Variants in ABI3BP observed in about 807,000 individuals in gnomAD.
ABI3BP encodes target of Nesh-SH3.
A neutral mutation model predicts 268.6 loss-of-function variants in ABI3BP; 216 were observed. The observed-to-expected ratio is 0.80, with a 90% CI of 0.72 to 0.90. The LOEUF is 0.90. Among genes scored for constraint, ABI3BP ranks in the 40% least tolerant of loss-of-function variants. The pLI is 0.00. For synonymous variants in ABI3BP, 730 were observed against 730.0 expected (o/e 1.00, Z 0.00); for missense variants, 2,090 against 2,182.4 (o/e 0.96, Z 0.84).
At chr3:100,939,697 C>T (rs1208149183) in intron 1 of ABI3BP, among the ~76,000 whole-genome samples, 1 of 152,104 alleles carries the variant, frequency 6.6e-6, no homozygotes, top group Non-Finnish European at 1.5e-5. Flanking sequence ...ATTAAAATTG[C>T]TAATGAAGTT....
intron 57 of ABI3BP, among the ~76,000 whole-genome samples, chr3:100,784,216 G>T (rs970217539): frequency 1.3e-5 from 2 of 152,124 alleles, no homozygotes; most frequent in Non-Finnish European, 2.9e-5. Flanking sequence ...GTAGTCCTTA[G>T]GCCTCAGAAT....
chr3:100,927,840 ACC>A (rs2062314020), intron 1 of ABI3BP, among the ~76,000 whole-genome samples: 1 of 152,120 alleles, frequency 6.6e-6, no homozygotes, highest in Non-Finnish European at 1.5e-5. Flanking sequence ...AAATGGCACA[ACC>A]TTAAACCTGG....
intron 14 of ABI3BP, among the ~76,000 whole-genome samples, chr3:100,855,422 C>T (rs1018884595): frequency 8.5e-5 from 13 of 152,190 alleles, no homozygotes; most frequent in Non-Finnish European, 1.5e-4. Context: ...TCCTTTTTAA[C>T]ATTAACTCTT....
chr3:100,816,127 C>T (rs1383438379), intron 43 of ABI3BP, 156 bp from the exon 44 acceptor site: 2 of 588,726 alleles, frequency 3.4e-6, no homozygotes, highest in Non-Finnish European at 5.9e-6. Context: ...AAGATTTGGC[C>T]ACACTAGCTA....
intron 7 of ABI3BP, among the ~76,000 whole-genome samples, chr3:100,875,820 T>C (rs1268869257): frequency 2.0e-5 from 3 of 152,324 alleles, no homozygotes; most frequent in Admixed American, 1.3e-4. Context: ...TTCTAATTAC[T>C]GGAAAATTTT....
At chr3:100,804,639 T>C (rs1403295029) in intron 51 of ABI3BP, among the ~76,000 whole-genome samples, 153 bp downstream of exon 51, 1 of 152,170 alleles carries the variant, frequency 6.6e-6, no homozygotes, top group Non-Finnish European at 1.5e-5. Flanking sequence ...GGCACTCTTA[T>C]GAAACTTCTG....
intron 10 of ABI3BP, among the ~76,000 whole-genome samples, chr3:100,866,306 T>C (rs930495413): frequency 6.6e-6 from 1 of 152,194 alleles, no homozygotes; most frequent in African/African-American, 2.4e-5. Flanking sequence ...GAGTAGTTCA[T>C]TAATAGAAGA....
At position 100,936,610 on chromosome 3, in the gene ABI3BP, C is replaced by CT. The variant is rs1004723728; in HGVS notation, c.80-10130dup. ...GGCTGTGAATCTGTCTGGTCCTGGA[C>CT]TTTTTTTTTGGTTGTTAGGCTATTA... On this transcript the variant is annotated intron_variant, in intron 1 of 67. Coordinates refer to ENST00000471714, the MANE Select transcript of ABI3BP (RefSeq NM_001375547.2). 1.5e-4 allele frequency among the ~76,000 whole-genome samples: 22 copies of CT among 151,094 alleles called. 1 individual carries two copies. The highest frequency in any genetic ancestry group is 4.4e-4 in the African/African-American group (18 of 41,232).
In ABI3BP at chr3:100,851,984, G is replaced by C. The variant is rs1259867301; in HGVS notation, c.1286-44C>G. 2.0e-6 allele frequency: 3 copies of C among 1,469,056 alleles called. 1 individual carries two copies. The South Asian group carries it at 3.9e-5, about 19-fold the overall frequency. The allele number at this position is 1,469,056 out of a possible 1,614,324, so 91.0% of individuals were successfully genotyped here. ...GCAAAACAAGAGAGATGTTAATTTT[G>C]GTTAAATTTGATTAATTTAGAAAGA... On this transcript the variant is annotated intron_variant, in intron 14 of 67. Coordinates refer to ENST00000471714, the MANE Select transcript of ABI3BP (RefSeq NM_001375547.2).
At chr3:100,791,775 C>CTATA (rs1425527623) in intron 55 of ABI3BP, among the ~76,000 whole-genome samples, 2 of 151,862 alleles carry the variant, frequency 1.3e-5, no homozygotes, top group Admixed American at 1.3e-4. Flanking sequence ...CTGCCCTTTA[C>CTATA]TATAGTCTTT....
chr3:100,987,330 T>A (rs1290565066), intron 1 of ABI3BP, among the ~76,000 whole-genome samples: 1 of 152,222 alleles, frequency 6.6e-6, no homozygotes, highest in Non-Finnish European at 1.5e-5. Flanking sequence ...TATAATATTA[T>A]ATTGATGAAT....
chr3:100,946,954 T>C (rs1019809151), intron 1 of ABI3BP, among the ~76,000 whole-genome samples: 1 of 152,214 alleles, frequency 6.6e-6, no homozygotes, highest in South Asian at 2.1e-4. Context: ...ACATTAACTT[T>C]ATTTGTACTT....
At chr3:100,878,789 G>GCTGTCTAGTTCTCA (rs139557650) in intron 6 of ABI3BP, among the ~76,000 whole-genome samples, 1 of 151,920 alleles carries the variant, frequency 6.6e-6, no homozygotes, top group Admixed American at 6.6e-5. Flanking sequence ...CTCCACCTGT[G>GCTGTCTAGTTCTCA]CCTGCTCCAG....
intron 1 of ABI3BP, among the ~76,000 whole-genome samples, chr3:100,931,463 T>G (rs13077353): frequency 0.12 from 17,873 of 152,154 alleles, 1,213 homozygotes; most frequent in Non-Finnish European, 0.15. Context: ...TCCTGTAGTC[T>G]CTGCCAAAAG....
chr3:100,918,208 C>T (rs746993758), intron 2 of ABI3BP, among the ~76,000 whole-genome samples: 1 of 152,008 alleles, frequency 6.6e-6, no homozygotes, highest in Non-Finnish European at 1.5e-5. Context: ...AAAAATCTAT[C>T]TTAAATCGTA....
chr3:100,871,324 G>A (rs1001767271), intron 9 of ABI3BP, among the ~76,000 whole-genome samples: 7 of 152,182 alleles, frequency 4.6e-5, no homozygotes, highest in Non-Finnish European at 1.0e-4. Flanking sequence ...AATTGTATAT[G>A]TAGTTTTTAA....
chr3:100,871,349 C>A (rs2099107345), intron 9 of ABI3BP, among the ~76,000 whole-genome samples: 1 of 152,180 alleles, frequency 6.6e-6, no homozygotes, highest in Non-Finnish European at 1.5e-5. Context: ...ACATGGTCTA[C>A]TAAGTTGGTA....
At position 100,784,016 on chromosome 3, in the gene ABI3BP, C is replaced by A. The variant is rs140827309; in HGVS notation, c.4162+3712G>T. Among the ~76,000 whole-genome samples the A allele has an allele frequency of 3.6e-3, 547 of 152,348 alleles. 4 individuals are homozygous for A. Among genetic ancestry groups the A allele is most frequent in the Non-Finnish European group, 5.3e-3 (360 of 68,032 alleles). On this transcript the variant is annotated intron_variant, in intron 57 of 67. Transcript: ENST00000471714. ...TAGAAAAATGACCCACTTTAGACCT[C>A]AACCTCTGCAGGCTACTTTCTAACC...
At chr3:100,926,061 T>TG (rs1456184703) in intron 2 of ABI3BP, among the ~76,000 whole-genome samples, 1 of 152,162 alleles carries the variant, frequency 6.6e-6, no homozygotes, top group Non-Finnish European at 1.5e-5. Context: ...TTTGTCCTTA[T>TG]GAATTCTTGA....
Sources: gnomAD v4.1 joint callset for allele counts (sites outside exome capture counted in the v4.1 genomes callset) on GRCh38, gnomAD v4.1.1 for gene constraint, MANE v1.5 for transcripts, NCBI Gene and HGNC (gene_info 2026-07-23, HGNC 2026-07-21) for gene names.